The following RIC3 variants were observed in gnomAD, a reference collection of about 807,000 sequenced individuals.
RIC3 encodes the protein protein RIC-3.
Under a neutral mutation model 27.3 loss-of-function variants are expected in RIC3, and 28 were observed. That is an observed-to-expected ratio of 1.02 (90% confidence interval 0.76 to 1.41). RIC3 has a LOEUF of 1.41. RIC3 is among the 40% of genes most tolerant of loss of function. The pLI, the probability that RIC3 is intolerant of heterozygous loss-of-function variation, is 0.00. For missense variants in RIC3, 501 were observed against 444.7 expected, an observed-to-expected ratio of 1.13 and a Z score of -1.14; for synonymous variants, 184 against 160.4, an observed-to-expected ratio of 1.15 and a Z score of -1.11.
chr11:8,116,291 C>A (rs376918492), intron 5 of RIC3, among the ~76,000 whole-genome samples: 5 of 152,158 alleles, frequency 3.3e-5, no homozygotes, highest in African/African-American at 7.2e-5. Flanking sequence ...TCAAAATGCA[C>A]TGAAGACTTA....
At chr11:8,096,005 C>A in the RIC3 span, among the ~76,000 whole-genome samples, 2 of 152,202 alleles carry the variant, frequency 1.3e-5, no homozygotes, top group South Asian at 4.1e-4. Flanking sequence ...GTTCAGTTTT[C>A]CCACCACAAG....
chr11:8,134,500 T>G (rs551560706), intron 4 of RIC3, among the ~76,000 whole-genome samples: 1 of 152,298 alleles, frequency 6.6e-6, no homozygotes, highest in Non-Finnish European at 1.5e-5. Context: ...TAATCCTTTC[T>G]GTATATACCC....
the RIC3 span, chr11:8,094,212 C>T: frequency 5.6e-6 from 9 of 1,595,740 alleles, no homozygotes; most frequent in East Asian, 2.2e-5. Flanking sequence ...TCTCTACAGC[C>T]CTCCCCAGCA....
At chr11:8,156,602 T>A (rs1443150884) in intron 1 of RIC3, among the ~76,000 whole-genome samples, 1 of 152,220 alleles carries the variant, frequency 6.6e-6, no homozygotes, top group African/African-American at 2.4e-5. Context: ...ACCACTCATT[T>A]AGTCAAACTA....
chr11:8,100,409 G>A, the RIC3 span: 13 of 948,570 alleles, frequency 1.4e-5, no homozygotes, highest in African/African-American at 1.6e-4. Flanking sequence ...GGAGATGGTG[G>A]GAACTAGCTC....
At chr11:8,140,329 T>C in intron 1 of RIC3, 136 bp from the exon 2 acceptor site, 3 of 744,074 alleles carry the variant, frequency 4.0e-6, no homozygotes, top group Non-Finnish European at 6.4e-6. Flanking sequence ...ATTAAAAGGA[T>C]ACAGAGGTAT....
chr11:8,109,802 A>G lies in RIC3; in HGVS notation c.*896T>C, dbSNP rs1180508075. 6.6e-6 allele frequency: 1 copy of G among 152,104 alleles called. No homozygotes were observed. The highest frequency in any genetic ancestry group is 1.5e-5 in the Non-Finnish European group (1 of 68,044). The allele number at this position is 152,104 out of a possible 1,614,324, so 9.4% of individuals were successfully genotyped here. A position where few individuals can be genotyped will look rare whatever the true frequency, so the allele number is the denominator to read the frequency against. On this transcript the variant is annotated 3_prime_UTR_variant, in exon 6 of 6. Coordinates refer to ENST00000309737, the MANE Select transcript of RIC3 (RefSeq NM_001206671.4). ...TCCTCATGGCAGGAGCAGAATTCACAATCTTGAGCCCTCTTATAGGGTTGC... is the reference window on the plus strand; with the variant it reads ...TCCTCATGGCAGGAGCAGAATTCACGATCTTGAGCCCTCTTATAGGGTTGC...
intron 1 of RIC3, among the ~76,000 whole-genome samples, chr11:8,163,494 G>C (rs745388882): frequency 6.6e-6 from 1 of 151,010 alleles, no homozygotes; most frequent in Admixed American, 6.6e-5. Flanking sequence ...AAAAAAAAAA[G>C]TAAAACTATC....
intron 2 of RIC3, 63 bp downstream of exon 2, chr11:8,139,904 A>C (rs1380990317): frequency 7.0e-7 from 1 of 1,422,394 alleles, no homozygotes; most frequent in South Asian, 1.2e-5. Context: ...TAATGTAGAC[A>C]ATGATTTTTA....
chr11:8,140,187 A>G lies in RIC3; in HGVS notation c.131T>C (p.Leu44Ser). Residue 44 changes from leucine to serine, a missense_variant, in exon 2 of 6, where the codon TTG becomes TCG. Coordinates refer to ENST00000309737, the MANE Select transcript of RIC3 (RefSeq NM_001206671.4). The stretch of plus-strand genomic sequence containing the variant: ...ATGCATCATAGGTGGAAATCGGCCC[A>G]ATTTTCCTGAGAAAATAATAATCAC... The part of the protein sequence containing the change: ...QEPPPTPEGK[L>S]GRFPPMMHHH... The G allele has an allele frequency of 6.2e-7, 1 of 1,610,112 alleles. No homozygotes were observed. The highest frequency in any genetic ancestry group is 8.5e-7 in the Non-Finnish European group (1 of 1,178,558).
chr11:8,164,834 G>GTT (rs1368896864), intron 1 of RIC3, among the ~76,000 whole-genome samples: 1 of 149,416 alleles, frequency 6.7e-6, no homozygotes, highest in Non-Finnish European at 1.5e-5. Flanking sequence ...TTTAAAGAGG[G>GTT]TTAAAAGGAC....
intron 1 of RIC3, 91 bp downstream of exon 1, chr11:8,168,775 G>A: frequency 2.0e-6 from 3 of 1,497,094 alleles, no homozygotes; most frequent in Admixed American, 4.4e-5. Flanking sequence ...TTCGGTGAAG[G>A]CTGCAGACTC....
intron 1 of RIC3, among the ~76,000 whole-genome samples, chr11:8,145,036 G>T (rs1392638568): frequency 1.0e-5 from 1 of 100,216 alleles, no homozygotes; most frequent in African/African-American, 3.8e-5. Context: ...GTGGTGGGGT[G>T]GGGGGAGGGG....
At chr11:8,146,933 T>C (rs959554678) in intron 1 of RIC3, among the ~76,000 whole-genome samples, 18 of 152,196 alleles carry the variant, frequency 1.2e-4, no homozygotes, top group Non-Finnish European at 2.9e-5. Flanking sequence ...GAGTAGATTG[T>C]AAAATGTTTC....
intron 1 of RIC3, among the ~76,000 whole-genome samples, chr11:8,167,388 C>G (rs1249576513): frequency 6.6e-6 from 1 of 152,130 alleles, no homozygotes; most frequent in African/African-American, 2.4e-5. Context: ...GGGGAAGTCT[C>G]TCTGAGGAGG....
At chr11:8,137,031 T>C (rs190367766) in intron 4 of RIC3, among the ~76,000 whole-genome samples, 5 of 152,324 alleles carry the variant, frequency 3.3e-5, no homozygotes, top group African/African-American at 9.6e-5. Flanking sequence ...TTTCTTTCCT[T>C]TTCTTTTTTT....
chr11:8,168,109 T>A (rs145374070), intron 1 of RIC3, among the ~76,000 whole-genome samples: 1 of 152,222 alleles, frequency 6.6e-6, no homozygotes, highest in Non-Finnish European at 1.5e-5. Flanking sequence ...AAGTTACCAG[T>A]AGAACTTCAT....
chr11:8,105,595 C>G (rs1003691959), downstream of RIC3: 1 of 152,222 alleles, frequency 6.6e-6, no homozygotes, highest in Non-Finnish European at 1.5e-5. Flanking sequence ...CATAATCTCT[C>G]TAGGTCCATT....
At chr11:8,121,807 C>G (rs1166325041) in intron 5 of RIC3, among the ~76,000 whole-genome samples, 1 of 152,136 alleles carries the variant, frequency 6.6e-6, no homozygotes, top group Non-Finnish European at 1.5e-5. Flanking sequence ...GTGATATTCT[C>G]TGATCTGCAG....
Sources: allele counts gnomAD v4.1 joint callset (sites outside exome capture counted in the v4.1 genomes callset), GRCh38; gene constraint gnomAD v4.1.1; transcripts MANE v1.5; gene names NCBI Gene and HGNC (gene_info 2026-07-23, HGNC 2026-07-21).